Variants in DNAJC1 observed in about 807,000 individuals in gnomAD.
DNAJC1 encodes the protein dnaJ homolog subfamily C member 1.
A neutral mutation model predicts 76.6 loss-of-function variants in DNAJC1; 58 were observed. The ratio of observed to expected loss-of-function variants is 0.76; its 90% confidence interval spans 0.61 to 0.94. DNAJC1 has a LOEUF of 0.94. Ranked by LOEUF, DNAJC1 falls within the 40% of genes least tolerant of loss-of-function variation. The pLI is 0.00. For missense variants in DNAJC1, 689 were observed against 677.3 expected (o/e 1.02, Z -0.19); for synonymous variants, 258 against 267.9 (o/e 0.96, Z 0.36).
At position 21,951,014 on chromosome 10, in the gene DNAJC1, C is replaced by A. The variant is rs529875908; in HGVS notation, c.223-21873G>T. On this transcript the variant is annotated intron_variant, in intron 1 of 11. Coordinates refer to ENST00000376980, the MANE Select transcript of DNAJC1 (RefSeq NM_022365.4). ...AGCTGCAGAAATGCTTTAATTCAGA[C>A]TTGGCATTGCTGCCAGATAGATTAA... Among the ~76,000 whole-genome samples, 8 of 152,280 alleles carry A rather than the reference C, an allele frequency of 5.3e-5. No individual in the cohort carries two copies. The East Asian group carries it at 1.4e-3, about 26-fold the overall frequency.
intron 1 of DNAJC1, among the ~76,000 whole-genome samples, chr10:21,971,575 TGA>T (rs1491018439): frequency 9.0e-4 from 137 of 152,008 alleles, no homozygotes; most frequent in African/African-American, 3.1e-3. Flanking sequence ...CTCCTTCCTT[TGA>T]GAAACATAAA....
chr10:21,904,586 A>G lies in DNAJC1; in HGVS notation c.756T>C (p.Tyr252=). 6 of 1,606,718 alleles carry G rather than the reference A, an allele frequency of 3.7e-6. No individual in the cohort carries two copies. Among genetic ancestry groups the G allele is most frequent in the Admixed American group, 1.7e-5 (1 of 59,138 alleles). ...CCTTTTCCTTCAATCTTGTTTCTTT[A>G]TATTTAGCATAAAACTGCCCAGCAT... is the stretch of plus-strand genomic sequence containing the variant. ...IQDAGQFYAK[Y]KETRLKEKED... Residue 252 remains tyrosine, a synonymous_variant, in exon 7 of 12, where the codon TAT becomes TAC. Transcript: ENST00000376980.
In DNAJC1 at chr10:21,966,383, T is replaced by C. The variant is rs1161038893; in HGVS notation, c.222+36830A>G. Among the ~76,000 whole-genome samples the C allele has an allele frequency of 2.0e-5, 3 of 152,220 alleles. No homozygotes were observed. The East Asian group carries it at 5.8e-4, about 29-fold the overall frequency. ...TTTTACCAACTAATTTGAGCATCCA[T>C]TGATAATTCTTGTCTGTAACAGTAA... On this transcript the variant is annotated intron_variant, in intron 1 of 11. Coordinates refer to ENST00000376980, the MANE Select transcript of DNAJC1 (RefSeq NM_022365.4).
At chr10:21,920,483 C>A in intron 4 of DNAJC1, 1 of 186,194 alleles carries the variant, frequency 5.4e-6, no homozygotes, top group East Asian at 1.3e-4. Flanking sequence ...AATCTAAAAT[C>A]AGTCTTAAAT....
At chr10:21,803,953 G>A (rs1422878800) in intron 9 of DNAJC1, 9 of 983,950 alleles carry the variant, frequency 9.1e-6, no homozygotes, top group African/African-American at 8.8e-5. Flanking sequence ...AATATCTATT[G>A]CAGACACGGA....
chr10:21,848,374 AAT>A (rs1835694501), intron 8 of DNAJC1, among the ~76,000 whole-genome samples: 1 of 152,116 alleles, frequency 6.6e-6, no homozygotes, highest in African/African-American at 2.4e-5. Flanking sequence ...ATAGTTTGCA[AAT>A]ATTTTCCTCC....
In DNAJC1 at chr10:21,882,410, C is replaced by A; in HGVS notation, c.850G>T (p.Glu284Ter). ...TCTAAAGGTGTGTATACAGGAAATT[C>A]AGGTTTTGGTTTTTTAACTTTCTTC... ...KQKKVKKPKP[E>*]FPVYTPLETT... The change falls in exon 8 of 12, where the codon GAA becomes TAA. Residue 284 changes from glutamate (E) to a stop codon, truncating the protein, a stop_gained. Transcript: ENST00000376980. LOFTEE classifies it high-confidence loss of function. 6.6e-7 allele frequency: 1 copy of A among 1,515,700 alleles called. No homozygotes were observed. The allele number at this position is 1,515,700 out of a possible 1,614,324, so 93.9% of individuals were successfully genotyped here.
chr10:21,961,549 T>C (rs887613314), intron 1 of DNAJC1, among the ~76,000 whole-genome samples: 2 of 152,032 alleles, frequency 1.3e-5, no homozygotes, highest in African/African-American at 2.4e-5. Context: ...AGAAAGTGGA[T>C]TGGAGGTTAC....
At chr10:21,890,486 G>T (rs960804746) in intron 7 of DNAJC1, among the ~76,000 whole-genome samples, 12 of 151,542 alleles carry the variant, frequency 7.9e-5, no homozygotes, top group African/African-American at 2.7e-4. Flanking sequence ...ACTGCCCAAT[G>T]GTAACAAAGC....
intron 1 of DNAJC1, among the ~76,000 whole-genome samples, chr10:21,981,868 C>A (rs973365900): frequency 6.6e-6 from 1 of 152,118 alleles, no homozygotes; most frequent in African/African-American, 2.4e-5. Context: ...CCAATTTTAG[C>A]AAGAATTCTG....
chr10:21,911,520 A>C (rs1180172067), intron 6 of DNAJC1, among the ~76,000 whole-genome samples: 35 of 152,182 alleles, frequency 2.3e-4, no homozygotes, highest in Admixed American at 2.3e-3. Flanking sequence ...AAAAGTAATA[A>C]AAATAAAACA....
chr10:21,923,384 T>C (rs1471876208), intron 3 of DNAJC1, among the ~76,000 whole-genome samples: 1 of 152,014 alleles, frequency 6.6e-6, no homozygotes, highest in Non-Finnish European at 1.5e-5. Context: ...CACAGACACT[T>C]TTCATAAGTT....
intron 8 of DNAJC1, among the ~76,000 whole-genome samples, chr10:21,821,867 T>C (rs1679546311): frequency 6.6e-6 from 1 of 151,052 alleles, no homozygotes; most frequent in Admixed American, 6.6e-5. Flanking sequence ...CAACTGAGAC[T>C]AAAATAAATT....
At chr10:21,804,909 A>G (rs1834865784) in intron 9 of DNAJC1, among the ~76,000 whole-genome samples, 1 of 152,112 alleles carries the variant, frequency 6.6e-6, no homozygotes, top group Non-Finnish European at 1.5e-5. Context: ...CAAAAGTCTG[A>G]AATTGCTCAA....
chr10:21,763,050 C>A (rs1834259328), intron 10 of DNAJC1, among the ~76,000 whole-genome samples: 1 of 152,186 alleles, frequency 6.6e-6, no homozygotes, highest in Non-Finnish European at 1.5e-5. Flanking sequence ...CCTGCCTCAG[C>A]TTCCCGAGTA....
At chr10:21,988,065 ACTC>A (rs1195455950) in intron 1 of DNAJC1, among the ~76,000 whole-genome samples, 1 of 152,102 alleles carries the variant, frequency 6.6e-6, no homozygotes, top group East Asian at 1.9e-4. Flanking sequence ...ACTCAAATAC[ACTC>A]CTTATTATTA....
intron 8 of DNAJC1, among the ~76,000 whole-genome samples, chr10:21,858,110 GAACACAAA>G (rs1835867723): frequency 1.3e-5 from 2 of 151,890 alleles, no homozygotes; most frequent in Non-Finnish European, 1.5e-5. Context: ...GTTTTAAAGG[GAACACAAA>G]AACAATTTTG....
intron 9 of DNAJC1, among the ~76,000 whole-genome samples, chr10:21,782,634 T>A (rs1165611187): frequency 1.3e-5 from 2 of 152,132 alleles, no homozygotes; most frequent in African/African-American, 4.8e-5. Context: ...CTGATGAACA[T>A]CGATGCAAAA....
chr10:21,954,193 A>G (rs923460423), intron 1 of DNAJC1, among the ~76,000 whole-genome samples: 4 of 152,214 alleles, frequency 2.6e-5, no homozygotes, highest in African/African-American at 9.6e-5. Flanking sequence ...ACAGTACACT[A>G]TAATACTTTA....
Sources: allele counts gnomAD v4.1 joint callset (sites outside exome capture counted in the v4.1 genomes callset), GRCh38; gene constraint gnomAD v4.1.1; transcripts MANE v1.5; gene names NCBI Gene and HGNC (gene_info 2026-07-23, HGNC 2026-07-21).